The following PRKN variants were observed in gnomAD, a reference collection of about 807,000 sequenced individuals.
The protein encoded by PRKN is parkin RBR E3 ubiquitin protein ligase.
A neutral mutation model predicts 59.5 loss-of-function variants in PRKN; 56 were observed. That is an observed-to-expected ratio of 0.94 (90% CI 0.76 to 1.18). The LOEUF (loss-of-function observed/expected upper bound fraction) is 1.18. PRKN is among the 50% of genes most tolerant of loss of function. The pLI is 0.00. For synonymous variants in PRKN, 250 were observed against 222.1 expected (o/e 1.13, Z -1.12); for missense variants, 657 against 596.4 (o/e 1.10, Z -1.06).
chr6:161,993,371 C>T (rs1781723783), intron 5 of PRKN, among the ~76,000 whole-genome samples: 2 of 152,020 alleles, frequency 1.3e-5, no homozygotes, highest in African/African-American at 4.8e-5. Context: ...AAACCTTGGA[C>T]ACATACAACC....
intron 2 of PRKN, among the ~76,000 whole-genome samples, chr6:162,363,127 CAAACA>C (rs1378853897): frequency 2.6e-5 from 1 of 38,858 alleles, no homozygotes; most frequent in African/African-American, 1.2e-4. Flanking sequence ...GACTCCTTCT[CAAACA>C]AAAAAAAAAA....
chr6:162,497,791 G>A (rs909037846), intron 1 of PRKN, among the ~76,000 whole-genome samples: 2 of 152,286 alleles, frequency 1.3e-5, no homozygotes, highest in East Asian at 1.9e-4. Context: ...AGGAAAAGAG[G>A]TTGGTTAATG....
chr6:162,493,716 C>T (rs758591020), intron 1 of PRKN, among the ~76,000 whole-genome samples: 2 of 152,148 alleles, frequency 1.3e-5, no homozygotes, highest in African/African-American at 2.4e-5. Context: ...TTGACGAAAG[C>T]GTCCATGCAT....
rs114962389 is a variant in PRKN, at chr6:161,694,033, A to G, written c.871+91739T>C. On this transcript the variant is annotated intron_variant, in intron 7 of 11. Coordinates refer to ENST00000366898, the MANE Select transcript of PRKN (RefSeq NM_004562.3). ...AAGGAAAAAGAAAAGAAAACTCTGAATGGTGTTACCTCAAGCATTCTCTAA... is the reference window on the plus strand; with the variant it reads ...AAGGAAAAAGAAAAGAAAACTCTGAGTGGTGTTACCTCAAGCATTCTCTAA... 6.2e-3 allele frequency among the ~76,000 whole-genome samples: 950 copies of G among 152,328 alleles called. 14 individuals carry two copies. Among genetic ancestry groups the G allele is most frequent in the African/African-American group, 0.022 (910 of 41,578 alleles).
intron 6 of PRKN, among the ~76,000 whole-genome samples, chr6:161,894,414 T>A (rs1777533637): frequency 6.6e-6 from 1 of 152,208 alleles, no homozygotes; most frequent in African/African-American, 2.4e-5. Context: ...TCCTACTTTT[T>A]CCAAACTTTT....
chr6:162,319,059 T>C (rs1782871219), intron 2 of PRKN, among the ~76,000 whole-genome samples: 1 of 152,046 alleles, frequency 6.6e-6, no homozygotes, highest in South Asian at 2.1e-4. Context: ...TTTTATTCTT[T>C]ACACAGTCTT....
At chr6:162,187,613 G>T (rs1410038622) in intron 4 of PRKN, among the ~76,000 whole-genome samples, 2 of 152,116 alleles carry the variant, frequency 1.3e-5, no homozygotes, top group African/African-American at 2.4e-5. Context: ...TTAGTTGGTT[G>T]TTTTCAAGAG....
At chr6:162,288,402 G>C (rs939383573) in intron 2 of PRKN, among the ~76,000 whole-genome samples, 1 of 152,108 alleles carries the variant, frequency 6.6e-6, no homozygotes, top group African/African-American at 2.4e-5. Flanking sequence ...CAAGGAGAGG[G>C]GGGTTTTCAG....
chr6:161,492,345 T>C (rs1351538040), intron 9 of PRKN, among the ~76,000 whole-genome samples: 2 of 152,124 alleles, frequency 1.3e-5, no homozygotes, highest in Non-Finnish European at 2.9e-5. Flanking sequence ...AAGACCAAGA[T>C]TATGGTGACA....
intron 4 of PRKN, among the ~76,000 whole-genome samples, chr6:162,094,210 C>T (rs1456854462): frequency 6.6e-6 from 1 of 152,120 alleles, no homozygotes; most frequent in Non-Finnish European, 1.5e-5. Flanking sequence ...GGAAAGGTGG[C>T]TGGGTGTGGT....
chr6:161,469,558 AG>A (rs1790669194), intron 9 of PRKN, among the ~76,000 whole-genome samples: 1 of 148,194 alleles, frequency 6.7e-6, no homozygotes, highest in Non-Finnish European at 1.5e-5. Context: ...AGAGAGAGAG[AG>A]AGAGAGAGAG....
Position 162,727,669 on chromosome 6 carries a change from G to A in PRKN, c.-1C>T, listed in dbSNP as rs1459820905. 4.4e-6 allele frequency: 7 copies of A among 1,582,580 alleles called. No homozygotes were observed. The highest frequency in any genetic ancestry group is 6.0e-6 in the Non-Finnish European group (7 of 1,165,438). ...TGGCAGGTACCCACGTACCTATCAT[G>A]GTCACTGGGTAGGTGGCGGCTGCGG... On this transcript the variant is annotated 5_prime_UTR_variant, in exon 1 of 12. Coordinates refer to ENST00000366898, the MANE Select transcript of PRKN (RefSeq NM_004562.3).
At chr6:161,815,405 A>G (rs1230880285) in intron 6 of PRKN, among the ~76,000 whole-genome samples, 1 of 152,230 alleles carries the variant, frequency 6.6e-6, no homozygotes, top group Non-Finnish European at 1.5e-5. Flanking sequence ...TGGGCTGATT[A>G]TAGGTTACTT....
chr6:162,321,605 A>G (rs888013873), intron 2 of PRKN, among the ~76,000 whole-genome samples: 1 of 152,058 alleles, frequency 6.6e-6, no homozygotes, highest in African/African-American at 2.4e-5. Context: ...ATATTCCTTA[A>G]GAACACAGAA....
intron 1 of PRKN, among the ~76,000 whole-genome samples, chr6:162,615,632 G>C (rs988212894): frequency 2.0e-5 from 3 of 152,130 alleles, no homozygotes; most frequent in African/African-American, 7.2e-5. Flanking sequence ...ATGTTTAATT[G>C]CATGTGCCAT....
At chr6:162,649,658 CA>C (rs78288611) in intron 1 of PRKN, among the ~76,000 whole-genome samples, 355 of 141,696 alleles carry the variant, frequency 2.5e-3, no homozygotes, top group Non-Finnish European at 3.0e-3. Flanking sequence ...TACTCTGTCT[CA>C]AAAAAAAAAA....
intron 2 of PRKN, among the ~76,000 whole-genome samples, chr6:162,408,257 T>C (rs1006635813): frequency 1.3e-5 from 2 of 151,776 alleles, no homozygotes; most frequent in Non-Finnish European, 2.9e-5. Flanking sequence ...AAAGGTAATA[T>C]GCAAGTCTCC....
chr6:161,943,429 G>A (rs1029579778), intron 6 of PRKN, among the ~76,000 whole-genome samples: 1 of 152,174 alleles, frequency 6.6e-6, no homozygotes, highest in East Asian at 1.9e-4. Context: ...GCACGAGTAA[G>A]TATCTTTTAG....
chr6:162,388,259 C>T (rs1786959122), intron 2 of PRKN, among the ~76,000 whole-genome samples: 1 of 152,120 alleles, frequency 6.6e-6, no homozygotes, highest in East Asian at 1.9e-4. Context: ...GACAGACACC[C>T]TTCCTCTCTG....
Sources: allele counts gnomAD v4.1 joint callset (sites outside exome capture counted in the v4.1 genomes callset), GRCh38; gene constraint gnomAD v4.1.1; transcripts MANE v1.5; gene names NCBI Gene and HGNC (gene_info 2026-07-23, HGNC 2026-07-21).